PGR: variants seen among roughly 807,000 people sequenced by gnomAD.
PGR encodes progesterone receptor.
In PGR, 25 loss-of-function variants were observed where a neutral mutation model predicts 76.1. That is an observed-to-expected ratio of 0.33 (90% CI 0.24 to 0.46). PGR has a LOEUF of 0.46. Ranked by LOEUF, PGR falls within the 20% of genes least tolerant of loss-of-function variation. The pLI, the probability that PGR is intolerant of heterozygous loss-of-function variation, is 1.00. For synonymous variants in PGR, 579 were observed against 535.0 expected (o/e 1.08, Z -1.14); for missense variants, 1,172 against 1,225.3 (o/e 0.96, Z 0.65).
rs1047672336 is a variant in PGR, at chr11:101,088,438, T to C, written c.1906+3322A>G. ...GCTCCGCCTCCCAGGTTCATGCCAT[T>C]CTCCTGCCTCAGCCTCCCAAGTAGG... is the stretch of plus-strand genomic sequence containing the variant. On this transcript the variant is annotated intron_variant, in intron 3 of 7. Coordinates refer to ENST00000325455, the MANE Select transcript of PGR (RefSeq NM_000926.4). 1.4e-4 allele frequency among the ~76,000 whole-genome samples: 21 copies of C among 152,198 alleles called. 1 individual carries two copies. Among genetic ancestry groups the C allele is most frequent in the Admixed American group, 4.6e-4 (7 of 15,286 alleles).
intron 2 of PGR, among the ~76,000 whole-genome samples, chr11:101,108,538 G>A (rs1862247781): frequency 6.6e-6 from 1 of 152,170 alleles, no homozygotes; most frequent in African/African-American, 2.4e-5. Context: ...AGAGTTTTAA[G>A]TCTTTTCAAT....
In PGR at chr11:101,062,560, T is replaced by C. The variant is rs1361499412; in HGVS notation, c.2099A>G (p.Tyr700Cys). 4 of 1,613,962 alleles carry C rather than the reference T, an allele frequency of 2.5e-6. No individual in the cohort carries two copies. The highest frequency in any genetic ancestry group is 3.4e-6 in the Non-Finnish European group (4 of 1,179,956). ...AGGTTTTGTGTTGTCATGTCCTGCA[T>C]AGATCACATCTGGTTCAATGCTCAT... ...LLMSIEPDVI[Y>C]AGHDNTKPDT... is the part of the protein sequence containing the mutation. Residue 700 changes from tyrosine (Y) to cysteine (C), a missense_variant, in exon 4 of 8, where the codon TAT becomes TGT. By Grantham distance (194) the Tyr-to-Cys change is radical (BLOSUM62 -2). This residue lies in a region of PGR where 166 missense variants were observed against 296.0 expected (regional missense o/e 0.56). Coordinates refer to ENST00000325455, the MANE Select transcript of PGR (RefSeq NM_000926.4).
At chr11:101,105,209 G>C (rs1357133250) in intron 2 of PGR, among the ~76,000 whole-genome samples, 1 of 152,176 alleles carries the variant, frequency 6.6e-6, no homozygotes, top group African/African-American at 2.4e-5. Flanking sequence ...TTCTCTAAAA[G>C]ATATGGTACC....
chr11:101,069,639 G>T (rs1860848820), intron 3 of PGR, among the ~76,000 whole-genome samples: 1 of 152,170 alleles, frequency 6.6e-6, no homozygotes. Context: ...ACTGGATAAA[G>T]AAAATGTGGC....
At chr11:101,039,447 T>C (rs975536143) in intron 7 of PGR, among the ~76,000 whole-genome samples, 176 bp from the exon 8 acceptor site, 1 of 151,994 alleles carries the variant, frequency 6.6e-6, no homozygotes, top group African/African-American at 2.4e-5. Context: ...TGTAAAATGT[T>C]ATATACTCAT....
At chr11:101,081,273 CA>C (rs771228789) in intron 3 of PGR, among the ~76,000 whole-genome samples, 1 of 151,748 alleles carries the variant, frequency 6.6e-6, no homozygotes, top group Non-Finnish European at 1.5e-5. Flanking sequence ...ACTAAAAATA[CA>C]AAAAATTAGC....
At chr11:101,101,833 A>T (rs1219459792) in intron 2 of PGR, among the ~76,000 whole-genome samples, 1 of 152,220 alleles carries the variant, frequency 6.6e-6, no homozygotes, top group African/African-American at 2.4e-5. Flanking sequence ...AAAAGTTTTA[A>T]AACATTATGA....
chr11:101,066,925 T>C, intron 3 of PGR, among the ~76,000 whole-genome samples: 1 of 152,212 alleles, frequency 6.6e-6, no homozygotes. Context: ...TTTCACTTTT[T>C]GTAGACTATT....
chr11:101,090,685 C>A (rs778720627), intron 3 of PGR, among the ~76,000 whole-genome samples: 1 of 152,226 alleles, frequency 6.6e-6, no homozygotes, highest in South Asian at 2.1e-4. Context: ...TTAAGCCAGG[C>A]ACTACTGTCA....
intron 2 of PGR, among the ~76,000 whole-genome samples, chr11:101,103,225 G>A (rs1420070299): frequency 6.6e-6 from 1 of 152,036 alleles, no homozygotes; most frequent in East Asian, 1.9e-4. Context: ...TCTAGGTTGG[G>A]GACCCCTGCC....
chr11:101,049,225 A>C (rs558619385), intron 6 of PGR, among the ~76,000 whole-genome samples: 6 of 152,224 alleles, frequency 3.9e-5, no homozygotes, highest in African/African-American at 1.4e-4. Context: ...GAAGGTCTTC[A>C]GGGGGCAGTA....
intron 2 of PGR, among the ~76,000 whole-genome samples, chr11:101,094,607 G>A (rs1003725309): frequency 5.3e-5 from 8 of 151,998 alleles, no homozygotes; most frequent in Non-Finnish European, 1.0e-4. Context: ...ATATTTCTAG[G>A]TACCTCAAAC....
intron 2 of PGR, among the ~76,000 whole-genome samples, chr11:101,117,876 T>C (rs866350896): frequency 1.3e-5 from 2 of 152,134 alleles, no homozygotes; most frequent in Non-Finnish European, 2.9e-5. Flanking sequence ...GAAGTGGAAA[T>C]GGTAAATTCT....
intron 7 of PGR, among the ~76,000 whole-genome samples, chr11:101,039,578 C>T (rs1219487248): frequency 6.6e-6 from 1 of 151,678 alleles, no homozygotes; most frequent in Non-Finnish European, 1.5e-5. Flanking sequence ...TCTTTTTATA[C>T]ATGTATACAG....
chr11:101,110,529 CAT>C (rs1242356147), intron 2 of PGR, among the ~76,000 whole-genome samples: 1 of 152,152 alleles, frequency 6.6e-6, no homozygotes, highest in East Asian at 1.9e-4. Context: ...AATTTGAACA[CAT>C]GAGGGGTCTT....
chr11:101,097,546 A>T (rs1476333820), intron 2 of PGR, among the ~76,000 whole-genome samples: 8 of 152,232 alleles, frequency 5.3e-5, no homozygotes, highest in African/African-American at 1.9e-4. Flanking sequence ...ATAGGTGTAT[A>T]TACAATTATA....
chr11:101,039,384 G>C, intron 7 of PGR, 113 bp from the exon 8 acceptor site: 1 of 844,762 alleles, frequency 1.2e-6, no homozygotes, highest in Non-Finnish European at 1.9e-6. Context: ...ACTTCTCAAG[G>C]TGTTTTTTTC....
intron 4 of PGR, among the ~76,000 whole-genome samples, chr11:101,052,127 C>T (rs1365048437): frequency 6.6e-6 from 1 of 152,084 alleles, no homozygotes; most frequent in African/African-American, 2.4e-5. Flanking sequence ...AAAACCACTG[C>T]TTTCAGTTGT....
intron 3 of PGR, among the ~76,000 whole-genome samples, chr11:101,085,487 A>T (rs935046661): frequency 4.2e-5 from 6 of 143,852 alleles, no homozygotes; most frequent in African/African-American, 1.6e-4. Flanking sequence ...AGTTAGAAAG[A>T]TCTCAAATTA....
Sources: allele counts gnomAD v4.1 joint callset (sites outside exome capture counted in the v4.1 genomes callset), GRCh38; gene constraint gnomAD v4.1.1; regional missense constraint gnomAD v4.1.1; transcripts MANE v1.5; gene names NCBI Gene and HGNC (gene_info 2026-07-23, HGNC 2026-07-21).